The following CDKAL1 variants were observed in gnomAD, a reference collection of about 807,000 sequenced individuals.
CDKAL1 encodes threonylcarbamoyladenosine tRNA methylthiotransferase.
A neutral mutation model predicts 68.2 loss-of-function variants in CDKAL1; 32 were observed. The observed-to-expected ratio is 0.47, with a 90% confidence interval of 0.35 to 0.63. The LOEUF (loss-of-function observed/expected upper bound fraction) is 0.63. CDKAL1 is among the 30% of genes least tolerant of loss of function. The pLI is 0.00. For synonymous variants in CDKAL1, 234 were observed against 244.3 expected, an observed-to-expected ratio of 0.96 and a Z score of 0.39; for missense variants, 606 against 696.7, an observed-to-expected ratio of 0.87 and a Z score of 1.47.
chr6:20,798,139 A>G (rs1776193383), intron 8 of CDKAL1, among the ~76,000 whole-genome samples: 2 of 151,942 alleles, frequency 1.3e-5, no homozygotes, highest in Admixed American at 1.3e-4. Context: ...TTTATATGAC[A>G]TTTTCAAAAA....
intron 9 of CDKAL1, among the ~76,000 whole-genome samples, chr6:20,874,289 GT>G (rs879550351): frequency 7.6e-6 from 1 of 132,052 alleles, no homozygotes; most frequent in African/African-American, 2.9e-5. Context: ...GAAATAGCAA[GT>G]TTTTTTGTTT....
At chr6:21,029,959 A>G (rs1034083833) in intron 11 of CDKAL1, among the ~76,000 whole-genome samples, 3 of 152,222 alleles carry the variant, frequency 2.0e-5, no homozygotes, top group East Asian at 1.9e-4. Flanking sequence ...TCTTTGACCC[A>G]GCAATCTCAT....
At chr6:21,021,345 A>G (rs1768654082) in intron 11 of CDKAL1, among the ~76,000 whole-genome samples, 1 of 152,214 alleles carries the variant, frequency 6.6e-6, no homozygotes, top group African/African-American at 2.4e-5. Context: ...GATTGCTGCT[A>G]CTTTTTTATG....
At chr6:20,702,481 G>A (rs1293161601) in intron 5 of CDKAL1, among the ~76,000 whole-genome samples, 1 of 152,174 alleles carries the variant, frequency 6.6e-6, no homozygotes, top group African/African-American at 2.4e-5. Context: ...GTTTAATTGA[G>A]TGGAAGTAGC....
chr6:20,749,074 T>C (rs1009933995), intron 6 of CDKAL1, among the ~76,000 whole-genome samples: 17 of 152,098 alleles, frequency 1.1e-4, no homozygotes, highest in Non-Finnish European at 2.2e-4. Context: ...AATCAAGAGA[T>C]AGTAAAACCC....
At chr6:21,090,799 TTTTTTC>T (rs1208065654) in intron 12 of CDKAL1, among the ~76,000 whole-genome samples, 1 of 108,922 alleles carries the variant, frequency 9.2e-6, no homozygotes, top group Non-Finnish European at 1.9e-5. Flanking sequence ...CAATTTTTTC[TTTTTTC>T]TTTTTTTTTT....
chr6:21,196,167 G>A (rs1412667721), intron 13 of CDKAL1, among the ~76,000 whole-genome samples: 2 of 152,152 alleles, frequency 1.3e-5, no homozygotes, highest in Non-Finnish European at 2.9e-5. Flanking sequence ...GTTTTCAGTG[G>A]CTCTACAATT....
chr6:21,210,826 G>A (rs1013464559), intron 15 of CDKAL1, among the ~76,000 whole-genome samples: 1 of 152,170 alleles, frequency 6.6e-6, no homozygotes, highest in African/African-American at 2.4e-5. Flanking sequence ...AGAATTGTTA[G>A]AAGGGCCAGG....
intron 7 of CDKAL1, among the ~76,000 whole-genome samples, chr6:20,764,805 A>G (rs139358326): frequency 1.1e-4 from 17 of 152,294 alleles, no homozygotes; most frequent in African/African-American, 3.9e-4. Context: ...ATTTCAATAA[A>G]ATAATTTTTA....
At chr6:21,178,642 A>G (rs1302163327) in intron 13 of CDKAL1, among the ~76,000 whole-genome samples, 3 of 152,240 alleles carry the variant, frequency 2.0e-5, no homozygotes, top group African/African-American at 7.2e-5. Context: ...TCCCCCCACA[A>G]AAGTTTCCAA....
intron 13 of CDKAL1, among the ~76,000 whole-genome samples, chr6:21,167,203 A>G (rs1370963914): frequency 6.6e-6 from 1 of 152,196 alleles, no homozygotes; most frequent in Non-Finnish European, 1.5e-5. Context: ...CTTAGTTTCA[A>G]TGGTGTTTTT....
intron 15 of CDKAL1, among the ~76,000 whole-genome samples, chr6:21,226,349 T>TTTGA (rs1457796665): frequency 1.3e-5 from 2 of 152,084 alleles, no homozygotes; most frequent in Non-Finnish European, 2.9e-5. Context: ...GATTGATTAC[T>TTTGA]TTGATAGGAT....
intron 12 of CDKAL1, among the ~76,000 whole-genome samples, chr6:21,077,015 G>A (rs1467384713): frequency 6.6e-6 from 1 of 152,162 alleles, no homozygotes. Flanking sequence ...CTCCTACTTT[G>A]TGTGGGTTTT....
chr6:20,736,222 A>G (rs939950692), intron 5 of CDKAL1, among the ~76,000 whole-genome samples: 2 of 152,070 alleles, frequency 1.3e-5, no homozygotes, highest in South Asian at 2.1e-4. Context: ...AGTTTTATTA[A>G]TGTTAGATGC....
chr6:20,973,318 G>A (rs1162665228), intron 10 of CDKAL1, among the ~76,000 whole-genome samples: 1 of 152,088 alleles, frequency 6.6e-6, no homozygotes, highest in African/African-American at 2.4e-5. Context: ...CTATATAAAG[G>A]TATCTTTTGG....
At chr6:21,161,482 TAG>T (rs1263090735) in intron 13 of CDKAL1, among the ~76,000 whole-genome samples, 1 of 152,186 alleles carries the variant, frequency 6.6e-6, no homozygotes. Context: ...TTAGCAATAA[TAG>T]AGAGATGCCC....
At chr6:20,608,221 TAATAAA>T (rs1766417432) in intron 4 of CDKAL1, among the ~76,000 whole-genome samples, 1 of 152,202 alleles carries the variant, frequency 6.6e-6, no homozygotes. Context: ...GTTTTTGAAC[TAATAAA>T]AATATATTTT....
In CDKAL1 at chr6:21,230,870, A is replaced by G. The variant is rs765464864; in HGVS notation, c.1571A>G (p.Asn524Ser). The G allele has an allele frequency of 1.9e-6, 3 of 1,608,380 alleles. No homozygotes were observed. The highest frequency in any genetic ancestry group is 2.2e-5 in the South Asian group (2 of 90,030). ...LTKDFRNGLG[N>S]QLSSGSHTSA... ...TAGGACTTCAGAAATGGGCTTGGGA[A>G]CCAGCTGAGTTCAGGATCCCACACC... Residue 524 changes from asparagine (N) to serine (S), a missense_variant, in exon 16 of 16, where the codon AAC (asparagine) becomes AGC (serine). By Grantham distance (46) the Asn-to-Ser change is conservative. Coordinates refer to ENST00000274695, the MANE Select transcript of CDKAL1 (RefSeq NM_017774.3).
At chr6:21,209,721 G>T (rs545265957) in intron 15 of CDKAL1, among the ~76,000 whole-genome samples, 2 of 152,200 alleles carry the variant, frequency 1.3e-5, no homozygotes, top group South Asian at 4.1e-4. Context: ...GCAGTGAATG[G>T]AAAAAAAGCC....
Sources: gnomAD v4.1 joint callset for allele counts (sites outside exome capture counted in the v4.1 genomes callset) on GRCh38, gnomAD v4.1.1 for gene constraint, MANE v1.5 for transcripts, NCBI Gene and HGNC (gene_info 2026-07-23, HGNC 2026-07-21) for gene names.